Variants in STARD9 observed in about 807,000 individuals in gnomAD.
STARD9 encodes stAR-related lipid transfer protein 9.
STARD9 carries 346 observed loss-of-function variants against 399.8 expected under a neutral mutation model. The observed-to-expected ratio is 0.87, with a 90% CI of 0.79 to 0.95. The LOEUF (loss-of-function observed/expected upper bound fraction) is 0.95, where lower values mean the gene tolerates loss of function less well. Ranked by LOEUF, STARD9 falls within the 40% of genes least tolerant of loss-of-function variation. The pLI, the probability that STARD9 is intolerant of heterozygous loss-of-function variation, is 0.00. For synonymous variants in STARD9, 2,203 were observed against 2,143.5 expected (o/e 1.03, Z -0.77); for missense variants, 5,832 against 5,667.5 (o/e 1.03, Z -0.93).
chr15:42,715,401 C>T (rs546305843), intron 26 of STARD9, among the ~76,000 whole-genome samples: 11 of 152,198 alleles, frequency 7.2e-5, no homozygotes, highest in Middle Eastern at 3.4e-3. Context: ...TGAGAGAAGC[C>T]GGGCACAGGG....
intron 18 of STARD9, 161 bp from the exon 19 acceptor site, chr15:42,675,503 A>G (rs1010748904): frequency 4.3e-5 from 26 of 607,620 alleles, no homozygotes; most frequent in South Asian, 5.9e-5. Flanking sequence ...TTAATTCAAG[A>G]TGTATGCTGT....
chr15:42,577,776 G>C (rs2058087827), intron 1 of STARD9, among the ~76,000 whole-genome samples: 1 of 152,162 alleles, frequency 6.6e-6, no homozygotes, highest in Admixed American at 6.5e-5. Context: ...TGTTCTTCAG[G>C]GGGTGTTATA....
In STARD9 at chr15:42,717,405, T is replaced by C. The variant is rs149356155; in HGVS notation, c.13495-326T>C. 1.7e-3 allele frequency among the ~76,000 whole-genome samples: 254 copies of C among 152,108 alleles called. 1 individual carries two copies. In the Middle Eastern group the frequency reaches 0.027, roughly 16 times the overall value. ...TGGGAGGCTGAGGTGGGAAGATTGC[T>C]TGAGTCCAGGAGTTCAAGACCAGCC... is the stretch of plus-strand genomic sequence containing the variant. On this transcript the variant is annotated intron_variant, in intron 28 of 32. Coordinates refer to ENST00000290607, the MANE Select transcript of STARD9 (RefSeq NM_020759.3).
rs139898805 is a variant in STARD9, at chr15:42,658,927, G to A, written c.703-2231G>A. Among the ~76,000 whole-genome samples the A allele has an allele frequency of 3.7e-3, 557 of 152,202 alleles. 2 individuals carry two copies. The highest frequency in any genetic ancestry group is 0.013 in the African/African-American group (532 of 41,560). On this transcript the variant is annotated intron_variant, in intron 9 of 32. Transcript: ENST00000290607. ...CGGGGGTCGAGACCAGCCTAGCCAA[G>A]ATGGTGAAAACCCTGTCTCTACTAA...
intron 9 of STARD9, 67 bp from the exon 10 acceptor site, chr15:42,661,091 A>T: frequency 8.4e-7 from 1 of 1,187,382 alleles, no homozygotes; most frequent in South Asian, 1.3e-5. Flanking sequence ...CCTTGGTTAG[A>T]AGAGTTCTAA....
At chr15:42,608,834 G>A (rs770699990) in intron 3 of STARD9, among the ~76,000 whole-genome samples, 127 of 152,186 alleles carry the variant, frequency 8.3e-4, no homozygotes, top group Non-Finnish European at 1.4e-3. Flanking sequence ...AAGGATTGGG[G>A]GAAACCTAAA....
chr15:42,598,310 T>C (rs879282052), intron 3 of STARD9, among the ~76,000 whole-genome samples: 9 of 151,846 alleles, frequency 5.9e-5, no homozygotes, highest in Non-Finnish European at 1.0e-4. Flanking sequence ...GGATTACAGG[T>C]GTGAGCCACC....
chr15:42,629,657 G>A (rs753776618), intron 3 of STARD9, among the ~76,000 whole-genome samples: 6 of 152,030 alleles, frequency 3.9e-5, no homozygotes, highest in Admixed American at 1.3e-4. Flanking sequence ...TTGAATAACC[G>A]TGGTGAAAAT....
At position 42,626,246 on chromosome 15, in the gene STARD9, TTCTTCCTCTTCC is replaced by T. The variant is rs61712813; in HGVS notation, c.235-8595_235-8584del. ...GCAAGAGTTTTAATTCTTCTTCTTCTTCTTCCTCTTCCTCTTCCTCTTCCTCCTCCTCTTCCT... is the reference window on the plus strand; with the variant it reads ...GCAAGAGTTTTAATTCTTCTTCTTCTTCTTCCTCTTCCTCCTCCTCTTCCT... On this transcript the variant is annotated intron_variant, in intron 3 of 32. Coordinates refer to ENST00000290607, the MANE Select transcript of STARD9 (RefSeq NM_020759.3). 4.6e-5 allele frequency among the ~76,000 whole-genome samples: 7 copies of T among 151,640 alleles called. No homozygotes were observed. The East Asian group carries it at 1.2e-3, about 25-fold the overall frequency.
intron 3 of STARD9, among the ~76,000 whole-genome samples, chr15:42,616,410 A>G (rs1407650422): frequency 6.6e-6 from 1 of 152,258 alleles, no homozygotes; most frequent in African/African-American, 2.4e-5. Flanking sequence ...ACGGAAAGTA[A>G]GGAACCTTGA....
intron 6 of STARD9, among the ~76,000 whole-genome samples, chr15:42,638,471 A>C (rs1340148211): frequency 6.6e-6 from 1 of 152,110 alleles, no homozygotes; most frequent in Non-Finnish European, 1.5e-5. Flanking sequence ...GTGCCACTGC[A>C]CTCCAACCTG....
At chr15:42,626,390 C>CTCT (rs2059220158) in intron 3 of STARD9, among the ~76,000 whole-genome samples, 1 of 147,102 alleles carries the variant, frequency 6.8e-6, no homozygotes, top group African/African-American at 2.6e-5. Context: ...CCTCCTCTTC[C>CTCT]TCTTCCTCCT....
rs1421560999 is a variant in STARD9 at position 42,695,172 on chromosome 15, C to T, written c.12995C>T (p.Thr4332Ile). The T allele has an allele frequency of 3.9e-6, 6 of 1,536,106 alleles. No homozygotes were observed. The highest frequency in any genetic ancestry group is 5.2e-6 in the Non-Finnish European group (6 of 1,146,336). The change falls in exon 25 of 33, where the codon ACA (threonine) becomes ATA (isoleucine). Residue 4332 changes from threonine (T) to isoleucine (I), a missense_variant. Coordinates refer to ENST00000290607, the MANE Select transcript of STARD9 (RefSeq NM_020759.3). Reference protein sequence around the residue: ...SPESVSRSAHTPSDIELMLQD... With the variant: ...SPESVSRSAHIPSDIELMLQD... ...GAGTCAGTGTCAAGGTCAGCTCACACACCCTCTGACATAGAGTTGATGCTG... is the reference window on the plus strand; with the variant it reads ...GAGTCAGTGTCAAGGTCAGCTCACATACCCTCTGACATAGAGTTGATGCTG...
intron 24 of STARD9, 67 bp from the exon 25 acceptor site, chr15:42,695,073 C>T (rs1245699581): frequency 6.2e-6 from 8 of 1,295,530 alleles, no homozygotes; most frequent in African/African-American, 5.9e-5. Flanking sequence ...CCCAAGCTAG[C>T]CTTGGATGGA....
chr15:42,663,822 G>A lies in STARD9; in HGVS notation c.1081G>A (p.Val361Met), dbSNP rs542938178. 2.4e-5 allele frequency: 37 copies of A among 1,535,042 alleles called. No homozygotes were observed. Among genetic ancestry groups the A allele is most frequent in the Non-Finnish European group, 3.1e-5 (36 of 1,144,934 alleles). The part of the protein sequence containing the change: ...GNSKTIMVAT[V>M]SPAHTSYSET... ...TAAACTTTCTCCTTCTACCTCAGCGGTGTCTCCTGCACACACTAGCTACAG... is the reference window on the plus strand; with the variant it reads ...TAAACTTTCTCCTTCTACCTCAGCGATGTCTCCTGCACACACTAGCTACAG... The change falls in exon 13 of 33, where the codon GTG (valine) becomes ATG (methionine). Residue 361 changes from valine to methionine, a missense_variant and splice_region_variant. This residue lies in a region of STARD9 where 5,828 missense variants were observed against 5,651.1 expected (regional missense o/e 1.03). Transcript: ENST00000290607.
Position 42,694,053 on chromosome 15 carries a change from AC to A in STARD9, c.12476del (p.Thr4159MetfsTer87). Reference protein sequence around the residue: ...QKGSPGGLDMTEEELGASGDL... With the variant: ...QKGSPGGLDMXEEELGASGDL... ...GGGCTCACCTGGGGGGTTGGACATG[AC>A]TGAGGAGGAGCTGGGGGCCAGCGGT... On this transcript the variant is annotated frameshift_variant, in exon 23 of 33. Coordinates refer to ENST00000290607, the MANE Select transcript of STARD9 (RefSeq NM_020759.3). LOFTEE classifies it high-confidence loss of function. 1 of 1,536,386 alleles carries A rather than the reference AC, an allele frequency of 6.5e-7. No homozygotes were observed. The highest frequency in any genetic ancestry group is 8.7e-7 in the Non-Finnish European group (1 of 1,146,604).
chr15:42,580,501 G>T (rs1396999412), intron 1 of STARD9, among the ~76,000 whole-genome samples: 1 of 152,110 alleles, frequency 6.6e-6, no homozygotes, highest in Non-Finnish European at 1.5e-5. Context: ...AAAATGAGGG[G>T]TATGAGGGTG....
At chr15:42,587,119 G>A (rs567499517) in intron 3 of STARD9, among the ~76,000 whole-genome samples, 35 of 152,136 alleles carry the variant, frequency 2.3e-4, no homozygotes, top group African/African-American at 4.8e-4. Flanking sequence ...GCCTACCAAA[G>A]TGCTGGAATT....
At chr15:42,591,767 C>A (rs2058399967) in intron 3 of STARD9, among the ~76,000 whole-genome samples, 1 of 152,314 alleles carries the variant, frequency 6.6e-6, no homozygotes, top group African/African-American at 2.4e-5. Flanking sequence ...GATCAGTTGT[C>A]ACCAACTAGG....
Sources: gnomAD v4.1 joint callset for allele counts (sites outside exome capture counted in the v4.1 genomes callset) on GRCh38, gnomAD v4.1.1 for gene constraint, gnomAD v4.1.1 regional missense constraint, MANE v1.5 for transcripts, NCBI Gene and HGNC (gene_info 2026-07-23, HGNC 2026-07-21) for gene names.